Variants in SRGAP2C observed in about 807,000 individuals in gnomAD.
SRGAP2C encodes SLIT-ROBO Rho GTPase activating protein 2C.
Under a neutral mutation model 25.1 loss-of-function variants are expected in SRGAP2C, and 15 were observed. The observed-to-expected ratio is 0.60, with a 90% CI of 0.40 to 0.92. SRGAP2C has a LOEUF of 0.92. Among genes scored for constraint, SRGAP2C ranks in the 40% least tolerant of loss-of-function variants. SRGAP2C has a pLI of 0.00. For missense variants in SRGAP2C, 144 were observed against 264.4 expected (o/e 0.54, Z 3.16); for synonymous variants, 44 against 96.6 (o/e 0.46, Z 3.19).
chr1:121,233,145 C>CTT (rs1196199123), intron 2 of SRGAP2C, among the ~76,000 whole-genome samples: 429 of 117,758 alleles, frequency 3.6e-3, no homozygotes, highest in African/African-American at 0.012. Flanking sequence ...CCCCTTGGTT[C>CTT]TTTTTTTTTT....
chr1:121,206,371 C>G (rs1394889919), intron 2 of SRGAP2C, among the ~76,000 whole-genome samples: 4 of 152,170 alleles, frequency 2.6e-5, no homozygotes, highest in African/African-American at 9.7e-5. Flanking sequence ...TGGGCTGGAG[C>G]AGAGGAGTTA....
intron 3 of SRGAP2C, among the ~76,000 whole-genome samples, chr1:121,308,059 TTA>T (rs1165786713): frequency 6.6e-6 from 1 of 151,784 alleles, no homozygotes; most frequent in Non-Finnish European, 1.5e-5. Flanking sequence ...GGTATTCCTG[TTA>T]TGTGTTGTCT....
intron 4 of SRGAP2C, among the ~76,000 whole-genome samples, chr1:121,359,934 C>T (rs1208725336): frequency 6.6e-6 from 1 of 152,196 alleles, no homozygotes; most frequent in Non-Finnish European, 1.5e-5. Flanking sequence ...CACCAATCAG[C>T]ACTCTGTAAA....
Position 121,264,668 on chromosome 1 carries a change from A to G in SRGAP2C, c.68-20135A>G, listed in dbSNP as rs879985024. On this transcript the variant is annotated intron_variant, in intron 2 of 9. Coordinates refer to ENST00000367123, the MANE Select transcript of SRGAP2C (RefSeq NM_001329984.2). ...CCCATAGGTAATTCCAATCCTTTAC[A>G]TCTAGCTCCTCTGCAAGCCCCTTGC... Among the ~76,000 whole-genome samples the G allele has an allele frequency of 2.0e-5, 3 of 151,644 alleles. No individual in the cohort carries two copies. The East Asian group carries it at 5.8e-4, about 29-fold the overall frequency.
At chr1:121,193,941 AT>A in intron 2 of SRGAP2C, among the ~76,000 whole-genome samples, 1 of 24,080 alleles carries the variant, frequency 4.2e-5, no homozygotes, top group East Asian at 1.3e-3. Context: ...CTGTATATAC[AT>A]TTCTATATAA....
At chr1:121,195,221 G>A (rs1464322771) in intron 2 of SRGAP2C, among the ~76,000 whole-genome samples, 1 of 152,120 alleles carries the variant, frequency 6.6e-6, no homozygotes, top group Non-Finnish European at 1.5e-5. Context: ...GACCAGCCTG[G>A]CCAACATGGT....
chr1:121,324,411 T>A (rs1658274008), intron 3 of SRGAP2C, 67 bp from the exon 4 acceptor site: 1 of 1,388,702 alleles, frequency 7.2e-7, no homozygotes, highest in African/African-American at 1.4e-5. Flanking sequence ...GGACACGGAC[T>A]ATAGTTGTAG....
chr1:121,346,974 G>T (rs587751077), intron 4 of SRGAP2C, among the ~76,000 whole-genome samples: 1 of 152,206 alleles, frequency 6.6e-6, no homozygotes, highest in African/African-American at 2.4e-5. Flanking sequence ...TGTTTGGCTT[G>T]GTGTCCACAA....
At chr1:121,234,999 C>T (rs782397088) in intron 2 of SRGAP2C, among the ~76,000 whole-genome samples, 44 of 150,664 alleles carry the variant, frequency 2.9e-4, no homozygotes, top group Non-Finnish European at 4.4e-4. Flanking sequence ...TTCACTCTCT[C>T]TCTCTTTCTT....
intron 3 of SRGAP2C, among the ~76,000 whole-genome samples, chr1:121,315,498 A>G (rs1658077138): frequency 2.0e-5 from 3 of 151,310 alleles, no homozygotes. Flanking sequence ...AAGGACCTGA[A>G]CTCGCTAATT....
At chr1:121,383,329 G>A (rs1659877983) in intron 8 of SRGAP2C, among the ~76,000 whole-genome samples, 1 of 150,664 alleles carries the variant, frequency 6.6e-6, no homozygotes, top group East Asian at 2.0e-4. Flanking sequence ...CCAGTGGTGA[G>A]GCTAGAAGAA....
chr1:121,263,982 G>A (rs1219579592), intron 2 of SRGAP2C, among the ~76,000 whole-genome samples: 2 of 151,966 alleles, frequency 1.3e-5, no homozygotes, highest in Non-Finnish European at 2.9e-5. Flanking sequence ...TGGTTGAAAA[G>A]TGACCTTTAA....
At chr1:121,268,557 G>A (rs1656863648) in intron 2 of SRGAP2C, among the ~76,000 whole-genome samples, 2 of 145,582 alleles carry the variant, frequency 1.4e-5, no homozygotes, top group Non-Finnish European at 3.1e-5. Flanking sequence ...AAATGAGGCT[G>A]AGTTGCACTG....
chr1:121,297,752 A>G (rs1657626771), intron 3 of SRGAP2C, among the ~76,000 whole-genome samples: 1 of 139,798 alleles, frequency 7.2e-6, no homozygotes, highest in Non-Finnish European at 1.5e-5. Context: ...GTGATTTTAG[A>G]TGAAAGGTTT....
At chr1:121,312,253 G>T (rs1657979426) in intron 3 of SRGAP2C, among the ~76,000 whole-genome samples, 1 of 35,854 alleles carries the variant, frequency 2.8e-5, no homozygotes, top group African/African-American at 1.1e-4. Flanking sequence ...TTGTATTTCT[G>T]TGGGATCAGT....
At chr1:121,210,332 AG>A (rs1437863059) in intron 2 of SRGAP2C, among the ~76,000 whole-genome samples, 1 of 139,054 alleles carries the variant, frequency 7.2e-6, no homozygotes, top group African/African-American at 2.7e-5. Flanking sequence ...AAAAAAAAAA[AG>A]ATTACATTCC....
At chr1:121,304,773 C>A in intron 3 of SRGAP2C, among the ~76,000 whole-genome samples, 1 of 151,536 alleles carries the variant, frequency 6.6e-6, no homozygotes, top group Non-Finnish European at 1.5e-5. Flanking sequence ...TTGGAGGGAA[C>A]AAACCAGATT....
chr1:121,266,410 A>G (rs1656782112), intron 2 of SRGAP2C, among the ~76,000 whole-genome samples: 1 of 151,814 alleles, frequency 6.6e-6, no homozygotes, highest in Non-Finnish European at 1.5e-5. Context: ...ACCATGGCCT[A>G]GATAATGATG....
rs1657280742 is a variant in SRGAP2C at position 121,282,828 on chromosome 1, G to T, written c.68-1975G>T. The stretch of plus-strand genomic sequence containing the variant: ...CCGCCTCGGCCTCCCAAAGTGCTGG[G>T]ATTACAGGCGTGAGCCACCGCACCT... On this transcript the variant is annotated intron_variant, in intron 2 of 9. Transcript: ENST00000367123. 2.0e-5 allele frequency among the ~76,000 whole-genome samples: 3 copies of T among 150,272 alleles called. 1 individual carries two copies. In the South Asian group the frequency reaches 6.3e-4, roughly 32 times the overall value.
Sources: gnomAD v4.1 joint callset for allele counts (sites outside exome capture counted in the v4.1 genomes callset) on GRCh38, gnomAD v4.1.1 for gene constraint, MANE v1.5 for transcripts, NCBI Gene and HGNC (gene_info 2026-07-23, HGNC 2026-07-21) for gene names.